Variants in GPHN observed in about 807,000 individuals in gnomAD.
GPHN encodes gephyrin.
A neutral mutation model predicts 95.5 loss-of-function variants in GPHN; 17 were observed. The observed-to-expected ratio is 0.18, with a 90% CI of 0.12 to 0.27. The LOEUF is 0.27. GPHN is among the 10% of genes least tolerant of loss of function. GPHN has a pLI of 1.00. For missense variants in GPHN, 660 were observed against 978.1 expected (o/e 0.67, Z 4.34); for synonymous variants, 320 against 322.5 (o/e 0.99, Z 0.08).
intron 1 of GPHN, among the ~76,000 whole-genome samples, chr14:66,552,988 C>CTTTTTTTTTT (rs2059875504): frequency 7.6e-6 from 1 of 131,850 alleles, no homozygotes; most frequent in African/African-American, 2.9e-5. Context: ...TTTTTCTTTT[C>CTTTTTTTTTT]TTTTCTTTTT....
chr14:67,654,632 C>T, the GPHN span, among the ~76,000 whole-genome samples: 1 of 152,188 alleles, frequency 6.6e-6, no homozygotes, highest in Admixed American at 6.5e-5. Flanking sequence ...AATCTTCACA[C>T]TGAGCTAGTA....
intron 10 of GPHN, among the ~76,000 whole-genome samples, chr14:67,044,453 T>C (rs1594916392): frequency 6.6e-6 from 1 of 152,212 alleles, no homozygotes; most frequent in South Asian, 2.1e-4. Flanking sequence ...TTCTTATTTC[T>C]TTCCAGGTGA....
the GPHN span, among the ~76,000 whole-genome samples, chr14:67,300,250 TG>T: frequency 6.6e-6 from 1 of 152,054 alleles, no homozygotes; most frequent in African/African-American, 2.4e-5. Context: ...TATCATCTCT[TG>T]GGTTTCATAG....
chr14:67,421,216 T>G, the GPHN span, among the ~76,000 whole-genome samples: 23 of 152,308 alleles, frequency 1.5e-4, no homozygotes, highest in Non-Finnish European at 3.1e-4. Flanking sequence ...GGGGACCCTA[T>G]GCAACTGCCT....
At chr14:67,238,107 C>G in the GPHN span, among the ~76,000 whole-genome samples, 3 of 152,100 alleles carry the variant, frequency 2.0e-5, no homozygotes, top group African/African-American at 7.2e-5. Context: ...AAAACTTAAT[C>G]TAATTACCAT....
chr14:67,324,861 T>C, the GPHN span, among the ~76,000 whole-genome samples: 809 of 151,360 alleles, frequency 5.3e-3, 7 homozygotes, highest in African/African-American at 0.019. Context: ...AGTTCTTGGA[T>C]TGCAGGTGTA....
intron 1 of GPHN, among the ~76,000 whole-genome samples, chr14:66,653,277 C>T (rs2065138432): frequency 6.6e-6 from 1 of 152,128 alleles, no homozygotes; most frequent in Non-Finnish European, 1.5e-5. Context: ...TGCATTTAGT[C>T]AGCCATCCTG....
chr14:66,863,906 G>A (rs984523088), intron 4 of GPHN, among the ~76,000 whole-genome samples: 5 of 152,138 alleles, frequency 3.3e-5, no homozygotes, highest in African/African-American at 1.2e-4. Flanking sequence ...ATATTGGTCT[G>A]TGCAAAAATT....
At chr14:66,886,406 A>G (rs1277269241) in intron 5 of GPHN, among the ~76,000 whole-genome samples, 1 of 152,190 alleles carries the variant, frequency 6.6e-6, no homozygotes, top group East Asian at 1.9e-4. Context: ...GTGAAGATTC[A>G]TATTGTAGGC....
chr14:66,799,958 C>G (rs1240851658), intron 3 of GPHN, among the ~76,000 whole-genome samples: 2 of 151,752 alleles, frequency 1.3e-5, no homozygotes, highest in Non-Finnish European at 2.9e-5. Context: ...TTTTTTCTCT[C>G]CATTGTATGT....
At chr14:67,070,235 GTA>G (rs2076227797) in intron 11 of GPHN, among the ~76,000 whole-genome samples, 1 of 151,052 alleles carries the variant, frequency 6.6e-6, no homozygotes, top group South Asian at 2.1e-4. Context: ...TCTTCAAAAT[GTA>G]TATCTTAATC....
chr14:67,025,205 A>G (rs1274510782), intron 10 of GPHN, among the ~76,000 whole-genome samples: 1 of 152,156 alleles, frequency 6.6e-6, no homozygotes, highest in Non-Finnish European at 1.5e-5. Context: ...TTGAAAATGC[A>G]TTTATCCTTG....
intron 1 of GPHN, among the ~76,000 whole-genome samples, chr14:66,650,749 TC>T (rs1255718648): frequency 6.6e-6 from 1 of 152,198 alleles, no homozygotes. Flanking sequence ...GCAGAACTAT[TC>T]AAGTCTTTGA....
the GPHN span, among the ~76,000 whole-genome samples, chr14:67,329,888 A>G: frequency 6.6e-6 from 1 of 150,870 alleles, no homozygotes; most frequent in African/African-American, 2.4e-5. Flanking sequence ...ATAGATATAG[A>G]AACTAAGAAG....
chr14:66,557,625 T>A (rs1483524798), intron 1 of GPHN, among the ~76,000 whole-genome samples: 6 of 152,170 alleles, frequency 3.9e-5, no homozygotes, highest in Non-Finnish European at 8.8e-5. Flanking sequence ...TATATATAAC[T>A]TTTTTTCTCA....
intron 12 of GPHN, 50 bp downstream of exon 12, chr14:67,089,125 C>CTTTTTTTTTGTTTTTTTTTTTTTTTTTT: frequency 3.1e-6 from 1 of 326,496 alleles, no homozygotes; most frequent in East Asian, 4.1e-5. Context: ...ATTTTTTTTT[C>CTTTTTTTTTGTTTTTTTTTTTTTTTTTT]TTTTTTTCTT....
At chr14:67,109,213 T>A (rs2078226247) in intron 13 of GPHN, among the ~76,000 whole-genome samples, 1 of 152,258 alleles carries the variant, frequency 6.6e-6, no homozygotes, top group Non-Finnish European at 1.5e-5. Flanking sequence ...ACTATCCTTA[T>A]GCAGCACGTG....
At chr14:66,519,419 C>T (rs1174173960) in intron 1 of GPHN, among the ~76,000 whole-genome samples, 3 of 151,842 alleles carry the variant, frequency 2.0e-5, no homozygotes, top group Non-Finnish European at 4.4e-5. Flanking sequence ...GACCACTGGC[C>T]CTAACTAACC....
At chr14:66,822,675 A>C (rs1474991979) in intron 3 of GPHN, among the ~76,000 whole-genome samples, 1 of 152,220 alleles carries the variant, frequency 6.6e-6, no homozygotes, top group Admixed American at 6.5e-5. Flanking sequence ...CATTTTTACT[A>C]TGTTTATTAG....
Sources: allele counts gnomAD v4.1 joint callset (sites outside exome capture counted in the v4.1 genomes callset), GRCh38; gene constraint gnomAD v4.1.1; transcripts MANE v1.5; gene names NCBI Gene and HGNC (gene_info 2026-07-23, HGNC 2026-07-21).